The following MYO16 variants were observed in gnomAD, a reference collection of about 807,000 sequenced individuals.
The protein encoded by MYO16 is myosin XVI, also known as unconventional myosin-XVI.
Under a neutral mutation model 205.3 loss-of-function variants are expected in MYO16, and 94 were observed. The observed-to-expected ratio is 0.46, with a 90% confidence interval of 0.39 to 0.54. MYO16 has a LOEUF of 0.54. MYO16 is among the 20% of genes least tolerant of loss of function. The pLI is 0.00. For synonymous variants in MYO16, 988 were observed against 954.0 expected, an observed-to-expected ratio of 1.04 and a Z score of -0.66; for missense variants, 2,315 against 2,387.5, an observed-to-expected ratio of 0.97 and a Z score of 0.63.
intron 2 of MYO16, among the ~76,000 whole-genome samples, chr13:108,693,035 A>G (rs1181060718): frequency 6.6e-6 from 1 of 152,230 alleles, no homozygotes; most frequent in East Asian, 1.9e-4. Flanking sequence ...AATTATCCCC[A>G]AAGTTGCTGT....
intron 4 of MYO16, among the ~76,000 whole-genome samples, chr13:108,768,937 T>G (rs1566595856): frequency 6.6e-6 from 1 of 151,978 alleles, no homozygotes; most frequent in Non-Finnish European, 1.5e-5. Context: ...AAGAAATAGG[T>G]AGCTTTTCCT....
In MYO16 at chr13:108,975,989, G is replaced by A. The variant is rs150187497; in HGVS notation, c.2369+11087G>A. 2.7e-3 allele frequency among the ~76,000 whole-genome samples: 406 copies of A among 152,182 alleles called. 3 individuals are homozygous for A. The highest frequency in any genetic ancestry group is 9.2e-3 in the African/African-American group (381 of 41,520). The stretch of plus-strand genomic sequence containing the variant: ...TTAAGTATTTTTTGTCAACCCACAT[G>A]CAATTCACCCTTAACATTCCAGGAA... On this transcript the variant is annotated intron_variant, in intron 20 of 34. Coordinates refer to ENST00000457511, the MANE Select transcript of MYO16 (RefSeq NM_001198950.3).
intron 1 of MYO16, among the ~76,000 whole-genome samples, chr13:108,652,807 C>G (rs967702152): frequency 6.6e-6 from 1 of 152,152 alleles, no homozygotes; most frequent in South Asian, 2.1e-4. Context: ...CTATGGACAT[C>G]TGCTTCCACT....
At chr13:109,178,851 G>A (rs1477477347) in intron 33 of MYO16, among the ~76,000 whole-genome samples, 2 of 152,206 alleles carry the variant, frequency 1.3e-5, no homozygotes, top group Admixed American at 6.5e-5. Flanking sequence ...ATAGTGCAGA[G>A]GCTGGGAAAC....
intron 16 of MYO16, among the ~76,000 whole-genome samples, chr13:108,953,989 CCCA>C (rs1883252983): frequency 6.6e-6 from 1 of 152,156 alleles, no homozygotes; most frequent in African/African-American, 2.4e-5. Context: ...TGAATTGGTT[CCCA>C]CCTGACCCAT....
intron 3 of MYO16, among the ~76,000 whole-genome samples, chr13:108,725,876 C>T (rs1055933881): frequency 1.3e-5 from 2 of 152,202 alleles, no homozygotes; most frequent in Admixed American, 6.5e-5. Context: ...AGCTTGGGAA[C>T]TCTCTCAAGG....
rs116816279 is a variant in MYO16 at position 108,900,179 on chromosome 13, C to A, written c.1777+2046C>A. On this transcript the variant is annotated intron_variant, in intron 15 of 34. Transcript: ENST00000457511. ...TGGATAGAGTTTAGAGGGTCCTTTT[C>A]TTTAGGAATGTTGATTTAGAAAATA... Among the ~76,000 whole-genome samples the A allele has an allele frequency of 7.8e-3, 1,188 of 152,168 alleles. 13 individuals carry two copies. The highest frequency in any genetic ancestry group is 0.028 in the African/African-American group (1,144 of 41,534).
At chr13:108,954,947 C>T (rs1044094423) in intron 16 of MYO16, among the ~76,000 whole-genome samples, 2 of 152,198 alleles carry the variant, frequency 1.3e-5, no homozygotes, top group Non-Finnish European at 2.9e-5. Flanking sequence ...GAGCTGGTCG[C>T]CACTGCCACC....
Position 109,179,533 on chromosome 13 carries a change from C to T in MYO16, c.5324-9C>T. 1 of 1,606,328 alleles carries T rather than the reference C, an allele frequency of 6.2e-7. No homozygotes were observed. The highest frequency in any genetic ancestry group is 8.5e-7 in the Non-Finnish European group (1 of 1,173,002). On this transcript the variant is annotated splice_polypyrimidine_tract_variant and intron_variant, in intron 33 of 34. Transcript: ENST00000457511. ...CTGCTTAACTCCCGATTTGTGTTGA[C>T]CTCAATAGGTTTACCTGAAGAAGAT...
chr13:109,205,922 G>C (rs957289875), intron 34 of MYO16, among the ~76,000 whole-genome samples: 1 of 152,226 alleles, frequency 6.6e-6, no homozygotes, highest in Non-Finnish European at 1.5e-5. Flanking sequence ...CCACCAAATA[G>C]AGCAGGCAGG....
intron 1 of MYO16, among the ~76,000 whole-genome samples, chr13:108,650,516 C>T (rs1926533): frequency 0.18 from 27,750 of 152,110 alleles, 3,875 homozygotes; most frequent in African/African-American, 0.38. Context: ...AGATGTTGAT[C>T]AAAGATGAAA....
At chr13:108,708,940 A>G (rs781360986) in intron 2 of MYO16, among the ~76,000 whole-genome samples, 6 of 152,078 alleles carry the variant, frequency 3.9e-5, no homozygotes, top group Non-Finnish European at 7.4e-5. Flanking sequence ...TTTTTACCCT[A>G]ATAGCTGAAA....
At chr13:108,569,253 G>A in the MYO16 span, among the ~76,000 whole-genome samples, 3 of 152,084 alleles carry the variant, frequency 2.0e-5, no homozygotes, top group South Asian at 6.2e-4. Flanking sequence ...AATCTGAAGA[G>A]TACTGCCTTC....
intron 1 of MYO16, among the ~76,000 whole-genome samples, chr13:108,646,588 G>A (rs558224635): frequency 9.9e-5 from 15 of 152,120 alleles, no homozygotes; most frequent in Admixed American, 8.5e-4. Flanking sequence ...AGATCAAAAG[G>A]CATGAAATCT....
the MYO16 span, among the ~76,000 whole-genome samples, chr13:108,535,625 T>G: frequency 6.6e-6 from 1 of 152,210 alleles, no homozygotes; most frequent in Non-Finnish European, 1.5e-5. Context: ...TGTGGAAAAT[T>G]TCATTCATCA....
the MYO16 span, among the ~76,000 whole-genome samples, chr13:108,546,320 A>T: frequency 2.0e-5 from 3 of 152,110 alleles, no homozygotes; most frequent in Non-Finnish European, 4.4e-5. Flanking sequence ...GTGAACTGAA[A>T]CTAGGGAGCT....
chr13:108,808,316 A>G (rs964343286), intron 7 of MYO16, among the ~76,000 whole-genome samples: 10 of 150,332 alleles, frequency 6.7e-5, no homozygotes, highest in African/African-American at 2.4e-4. Flanking sequence ...TTTTTTAATG[A>G]ACCTTCTTTT....
intron 34 of MYO16, among the ~76,000 whole-genome samples, chr13:109,201,768 C>G (rs1176516655): frequency 2.0e-5 from 3 of 151,958 alleles, no homozygotes; most frequent in Admixed American, 6.6e-5. Context: ...CCTTTCCTTC[C>G]AGTCCCAAAG....
intron 4 of MYO16, among the ~76,000 whole-genome samples, chr13:108,771,456 A>G (rs1188211828): frequency 6.6e-6 from 1 of 152,158 alleles, no homozygotes; most frequent in Non-Finnish European, 1.5e-5. Context: ...CCACCAGAGT[A>G]GTTCATTTGT....
Sources: gnomAD v4.1 joint callset for allele counts (sites outside exome capture counted in the v4.1 genomes callset) on GRCh38, gnomAD v4.1.1 for gene constraint, MANE v1.5 for transcripts, NCBI Gene and HGNC (gene_info 2026-07-23, HGNC 2026-07-21) for gene names.